The following SMIM41 variants were observed in gnomAD, a reference collection of about 807,000 sequenced individuals.
The protein encoded by SMIM41 is small integral membrane protein 41.
intron 2 of SMIM41, among the ~76,000 whole-genome samples, chr12:52,090,453 G>T (rs1449560393): frequency 6.6e-6 from 1 of 151,002 alleles, no homozygotes; most frequent in Non-Finnish European, 1.5e-5. Context: ...GGGCGGGGGG[G>T]AAGCACTCCA....
At chr12:52,089,253 G>A (rs955648143) in intron 2 of SMIM41, among the ~76,000 whole-genome samples, 8 of 152,068 alleles carry the variant, frequency 5.3e-5, no homozygotes, top group Admixed American at 1.3e-4. Context: ...TAGTTCTGGA[G>A]GCCAGAAGTA....
intron 1 of SMIM41, 89 bp downstream of exon 1, chr12:52,080,270 A>T (rs1401438402): frequency 1.6e-5 from 3 of 190,854 alleles, no homozygotes; most frequent in Non-Finnish European, 3.3e-5. Context: ...GGGCGCGGCA[A>T]GGCACCTGTC....
Position 52,094,366 on chromosome 12 carries a change from T to C in SMIM41, c.*195+10398T>C, listed in dbSNP as rs1376203540. 2.6e-5 allele frequency among the ~76,000 whole-genome samples: 4 copies of C among 151,716 alleles called. No homozygotes were observed. In the East Asian group the frequency reaches 5.9e-4, roughly 22 times the overall value. On this transcript the variant is annotated intron_variant, in intron 2 of 2. Coordinates refer to ENST00000546390, the MANE Select transcript of SMIM41 (RefSeq NM_001369216.1). ...GTGTGCCACCATGGCCAGCTAATTT[T>C]TTTGGTCTGTATTTTTAGTAGAGAC...
Position 52,108,242 on chromosome 12 carries a change from G to A in SMIM41, c.*1059G>A. 5.8e-6 allele frequency: 1 copy of A among 171,516 alleles called. No homozygotes were observed. Among genetic ancestry groups the A allele is most frequent in the Non-Finnish European group, 1.2e-5 (1 of 81,078 alleles). The allele number at this position is 171,516 out of a possible 1,614,324, so 10.6% of individuals were successfully genotyped here. On this transcript the variant is annotated 3_prime_UTR_variant, in exon 3 of 3. Coordinates refer to ENST00000546390, the MANE Select transcript of SMIM41 (RefSeq NM_001369216.1). The stretch of plus-strand genomic sequence containing the variant: ...ACAGGGATATTAAAAGTGTCTTGCG[G>A]CGGCCGCACGGCAGCACTGTCTAAT...
At position 52,107,697 on chromosome 12, in the gene SMIM41, C is replaced by A; in HGVS notation, c.*514C>A. On this transcript the variant is annotated 3_prime_UTR_variant, in exon 3 of 3. Coordinates refer to ENST00000546390, the MANE Select transcript of SMIM41 (RefSeq NM_001369216.1). Reference sequence around the variant, plus strand: ...TGCTCCTGAGTGTGATGGCCTATGACCGGTTTGTAGCCATCTGTCACCCTC... The same window carrying A: ...TGCTCCTGAGTGTGATGGCCTATGAACGGTTTGTAGCCATCTGTCACCCTC... 4.0e-6 allele frequency: 2 copies of A among 501,806 alleles called. No homozygotes were observed. Among genetic ancestry groups the A allele is most frequent in the South Asian group, 3.1e-5 (2 of 63,922 alleles). The allele number at this position is 501,806 out of a possible 1,614,324, so 31.1% of individuals were successfully genotyped here.
chr12:52,097,627 T>G (rs1940123928), intron 2 of SMIM41, among the ~76,000 whole-genome samples: 1 of 152,078 alleles, frequency 6.6e-6, no homozygotes, highest in African/African-American at 2.4e-5. Context: ...CCTGCGATAT[T>G]GGGAGTAATA....
At chr12:52,090,044 T>C (rs7315720) in intron 2 of SMIM41, among the ~76,000 whole-genome samples, 54,617 of 151,884 alleles carry the variant, frequency 0.36, 11,700 homozygotes, top group African/African-American at 0.56. Flanking sequence ...CAGGAAGTGT[T>C]GCCAAGAAGG....
At chr12:52,088,408 G>A (rs1165910471) in intron 2 of SMIM41, among the ~76,000 whole-genome samples, 1 of 152,204 alleles carries the variant, frequency 6.6e-6, no homozygotes, top group Non-Finnish European at 1.5e-5. Context: ...GTGGGAATGA[G>A]CCTGGCATGT....
At chr12:52,084,032 T>C (rs1939856034) in intron 2 of SMIM41, 64 bp downstream of exon 2, 1 of 152,214 alleles carries the variant, frequency 6.6e-6, no homozygotes, top group Non-Finnish European at 1.5e-5. Context: ...GAGTATTTAC[T>C]GAGTGACCGC....
intron 2 of SMIM41, among the ~76,000 whole-genome samples, chr12:52,101,428 C>G (rs1057350777): frequency 6.6e-6 from 1 of 152,022 alleles, no homozygotes; most frequent in Non-Finnish European, 1.5e-5. Context: ...CCATCACACA[C>G]CTACACACAA....
intron 1 of SMIM41, among the ~76,000 whole-genome samples, chr12:52,083,111 A>G (rs1320257613): frequency 6.6e-6 from 1 of 152,128 alleles, no homozygotes; most frequent in Non-Finnish European, 1.5e-5. Flanking sequence ...GGCCTGCTGC[A>G]TGTCCTGGGC....
chr12:52,087,477 C>G (rs1170244065), intron 2 of SMIM41: 1 of 152,800 alleles, frequency 6.5e-6, no homozygotes. Context: ...CCCGGCTAAG[C>G]TGACAGCCAG....
At position 52,079,860 on chromosome 12, in the gene SMIM41, GCCC is replaced by G; in HGVS notation, c.85_87del (p.Pro29del). ...GTAACCAGTCGGCGTCGCCGCCGGA[GCCC>G]CCCGAGGGGCCGCGCGCGGTGCAGG... On this transcript the variant is annotated inframe_deletion, in exon 1 of 3. Transcript: ENST00000546390. The G allele has an allele frequency of 2.5e-6, 1 of 392,406 alleles. No individual in the cohort carries two copies. Among genetic ancestry groups the G allele is most frequent in the East Asian group, 3.6e-5 (1 of 27,466 alleles). 24.3% of individuals were successfully genotyped at this position (392,406 alleles called of 1,614,324 possible).
In SMIM41 at chr12:52,105,367, G is replaced by A. The variant is rs150213778; in HGVS notation, c.*196-2012G>A. Among the ~76,000 whole-genome samples the A allele has an allele frequency of 7.5e-3, 1,148 of 152,290 alleles. 10 individuals are homozygous for A. Among genetic ancestry groups the A allele is most frequent in the Middle Eastern group, 0.027 (8 of 294 alleles). ...CTTCCTCAAAGGAGTCATAAATTCG[G>A]AATTTGGCTTCTCTTCCTGTTGAGG... is the stretch of plus-strand genomic sequence containing the variant. On this transcript the variant is annotated intron_variant, in intron 2 of 2. Coordinates refer to ENST00000546390, the MANE Select transcript of SMIM41 (RefSeq NM_001369216.1).
chr12:52,104,531 A>G (rs1208775692), intron 2 of SMIM41, among the ~76,000 whole-genome samples: 2 of 152,072 alleles, frequency 1.3e-5, no homozygotes, highest in Non-Finnish European at 2.9e-5. Context: ...CAGTTCAGTG[A>G]GTGCTGAGGG....
chr12:52,088,790 G>A (rs1314889239), intron 2 of SMIM41, among the ~76,000 whole-genome samples: 1 of 152,068 alleles, frequency 6.6e-6, no homozygotes, highest in Non-Finnish European at 1.5e-5. Flanking sequence ...CCCTCAATGT[G>A]GTGTCCACTG....
At chr12:52,100,453 TTC>T (rs1247363967) in intron 2 of SMIM41, among the ~76,000 whole-genome samples, 10 of 151,938 alleles carry the variant, frequency 6.6e-5, no homozygotes, top group Non-Finnish European at 1.2e-4. Context: ...GAGTAATATT[TTC>T]TTTCTTTTTT....
Position 52,094,399 on chromosome 12 carries a change from C to T in SMIM41, c.*195+10431C>T, listed in dbSNP as rs61915192. On this transcript the variant is annotated intron_variant, in intron 2 of 2. Coordinates refer to ENST00000546390, the MANE Select transcript of SMIM41 (RefSeq NM_001369216.1). Reference sequence around the variant, plus strand: ...TGTATTTTTAGTAGAGACAGGGTTTCATCATGTTTGCCAGGCTGGTCTCGA... The same window carrying T: ...TGTATTTTTAGTAGAGACAGGGTTTTATCATGTTTGCCAGGCTGGTCTCGA... Among the ~76,000 whole-genome samples the T allele has an allele frequency of 7.4e-3, 1,120 of 152,070 alleles. 2 individuals are homozygous for T. Among genetic ancestry groups the T allele is most frequent in the Admixed American group, 0.011 (161 of 15,288 alleles).
At chr12:52,100,092 C>T (rs1045762940) in intron 2 of SMIM41, among the ~76,000 whole-genome samples, 70 of 139,044 alleles carry the variant, frequency 5.0e-4, no homozygotes, top group African/African-American at 1.7e-3. Flanking sequence ...TCTCCCCCCC[C>T]GGATATTGGG....
Sources: allele counts gnomAD v4.1 joint callset (sites outside exome capture counted in the v4.1 genomes callset), GRCh38; gene constraint gnomAD v4.1.1; transcripts MANE v1.5; gene names NCBI Gene and HGNC (gene_info 2026-07-23, HGNC 2026-07-21).